Variants in LAMA2 observed in about 807,000 individuals in gnomAD.
The protein encoded by LAMA2 is laminin subunit alpha-2.
LAMA2 carries 269 observed loss-of-function variants against 364.8 expected under a neutral mutation model. The observed-to-expected ratio is 0.74, with a 90% CI of 0.67 to 0.82. The LOEUF (loss-of-function observed/expected upper bound fraction) is 0.82. LAMA2 is among the 40% of genes least tolerant of loss of function. LAMA2 has a pLI of 0.00. For missense variants in LAMA2, 3,807 were observed against 3,873.2 expected, an observed-to-expected ratio of 0.98 and a Z score of 0.45; for synonymous variants, 1,379 against 1,370.6, an observed-to-expected ratio of 1.01 and a Z score of -0.14.
Position 128,953,902 on chromosome 6 carries a change from A to T in LAMA2, c.112+70545A>T, listed in dbSNP as rs151012876. Among the ~76,000 whole-genome samples the T allele has an allele frequency of 3.8e-3, 584 of 152,260 alleles. 3 individuals carry two copies. The highest frequency in any genetic ancestry group is 0.014 in the African/African-American group (562 of 41,560). On this transcript the variant is annotated intron_variant, in intron 1 of 64. Coordinates refer to ENST00000421865, the MANE Select transcript of LAMA2 (RefSeq NM_000426.4). Reference sequence around the variant, plus strand: ...AAAGTACATTTGCATTATTTTATGTATACTTTACTGATAGAGTCCTTTAAA... The same window carrying T: ...AAAGTACATTTGCATTATTTTATGTTTACTTTACTGATAGAGTCCTTTAAA...
chr6:128,922,940 T>C (rs532879789), intron 1 of LAMA2, among the ~76,000 whole-genome samples: 1,679 of 151,986 alleles, frequency 0.011, 28 homozygotes, highest in African/African-American at 0.039. Flanking sequence ...TAGCCAGTTT[T>C]CCCAGCACCA....
intron 10 of LAMA2, among the ~76,000 whole-genome samples, chr6:129,184,654 C>T (rs547523481): frequency 8.9e-4 from 135 of 151,896 alleles, no homozygotes; most frequent in Non-Finnish European, 1.7e-3. Context: ...AATGATTGTT[C>T]GCCCCTGATC....
At chr6:129,220,314 C>T (rs1050840744) in intron 12 of LAMA2, among the ~76,000 whole-genome samples, 4 of 152,222 alleles carry the variant, frequency 2.6e-5, no homozygotes, top group Admixed American at 6.5e-5. Context: ...CAAAAAAACA[C>T]TAGTGCTTAC....
chr6:129,328,319 T>G lies in LAMA2; in HGVS notation c.4218T>G (p.Gly1406=). The change falls in exon 29 of 65, where the codon GGT becomes GGG. Residue 1406 remains glycine (G), a synonymous_variant. Coordinates refer to ENST00000421865, the MANE Select transcript of LAMA2 (RefSeq NM_000426.4). ...PGFYRLRSQP[G]GRTPGPTLGT... ...TTTATCGACTGCGTTCTCAACCAGG[T>G]GGCCGCACCCCTGGACCAACCCTGG... 2 of 1,614,198 alleles carry G rather than the reference T, an allele frequency of 1.2e-6. No individual in the cohort carries two copies. The highest frequency in any genetic ancestry group is 1.7e-6 in the Non-Finnish European group (2 of 1,180,030).
At chr6:129,059,491 C>T (rs2114794825) in intron 2 of LAMA2, among the ~76,000 whole-genome samples, 1 of 152,240 alleles carries the variant, frequency 6.6e-6, no homozygotes, top group Middle Eastern at 3.4e-3. Context: ...CACTTAATTT[C>T]TGTAGTTACC....
At chr6:129,038,155 G>T (rs4285345) in intron 1 of LAMA2, among the ~76,000 whole-genome samples, 144,909 of 152,306 alleles carry the variant, frequency 0.95, 69,020 homozygotes, top group East Asian at 0.97. Flanking sequence ...GAAGTGACAC[G>T]GTGTTCACTT....
chr6:129,217,738 A>C (rs1158744361), intron 12 of LAMA2, among the ~76,000 whole-genome samples: 5 of 152,188 alleles, frequency 3.3e-5, no homozygotes, highest in African/African-American at 4.8e-5. Flanking sequence ...AAATGAAAAA[A>C]ATTAAACAAA....
intron 40 of LAMA2, among the ~76,000 whole-genome samples, chr6:129,425,854 T>G (rs2114737442): frequency 6.6e-6 from 1 of 152,228 alleles, no homozygotes; most frequent in African/African-American, 2.4e-5. Flanking sequence ...CCTTATTTTC[T>G]TATGCTCAGC....
rs577173433 is a variant in LAMA2 at position 129,209,499 on chromosome 6, T to C, written c.1782+16646T>C. On this transcript the variant is annotated intron_variant, in intron 12 of 64. Coordinates refer to ENST00000421865, the MANE Select transcript of LAMA2 (RefSeq NM_000426.4). ...TGCAGGGAATGAAACTCGTGACAGC[T>C]TGATCCCATAAAACTCAGCAAGGAT... Among the ~76,000 whole-genome samples, 5 of 152,320 alleles carry C rather than the reference T, an allele frequency of 3.3e-5. No homozygotes were observed. In the South Asian group the frequency reaches 1.0e-3, roughly 32 times the overall value.
At chr6:128,929,495 A>T in intron 1 of LAMA2, 3 of 846,062 alleles carry the variant, frequency 3.5e-6, no homozygotes, top group South Asian at 1.3e-5. Flanking sequence ...TCTTTATGGT[A>T]TGCCGACCAG....
At chr6:129,329,908 G>A (rs1475136929) in intron 29 of LAMA2, among the ~76,000 whole-genome samples, 1 of 152,088 alleles carries the variant, frequency 6.6e-6, no homozygotes, top group African/African-American at 2.4e-5. Flanking sequence ...CTCATTCCTG[G>A]TATTACTGTA....
At chr6:129,040,331 A>T (rs1429173607) in intron 1 of LAMA2, among the ~76,000 whole-genome samples, 1 of 152,156 alleles carries the variant, frequency 6.6e-6, no homozygotes, top group African/African-American at 2.4e-5. Context: ...TTTTGAAAAG[A>T]AGTTATTGGG....
chr6:129,508,158 T>C (rs1357553107), intron 62 of LAMA2, among the ~76,000 whole-genome samples: 1 of 152,232 alleles, frequency 6.6e-6, no homozygotes, highest in East Asian at 1.9e-4. Context: ...TGGTTTTATA[T>C]CACTGGTCAT....
chr6:129,238,511 A>G (rs1338913053), intron 12 of LAMA2, among the ~76,000 whole-genome samples: 1 of 152,058 alleles, frequency 6.6e-6, no homozygotes, highest in Non-Finnish European at 1.5e-5. Flanking sequence ...ATTCTTAAAC[A>G]TATACTTTTG....
chr6:129,516,505 A>G lies in LAMA2; in HGVS notation c.*158A>G, dbSNP rs1787096168. On this transcript the variant is annotated 3_prime_UTR_variant, in exon 65 of 65. Transcript: ENST00000421865. ...GGTGCTAATTCAGACTCCAGACTGA[A>G]TTTTAATTCAAGTTCTTTCTCAAGT... is the stretch of plus-strand genomic sequence containing the variant. 5 of 703,714 alleles carry G rather than the reference A, an allele frequency of 7.1e-6. No individual in the cohort carries two copies. In the East Asian group the frequency reaches 1.1e-4, roughly 15 times the overall value. 43.6% of individuals were successfully genotyped at this position (703,714 alleles called of 1,614,324 possible). A position where few individuals can be genotyped will look rare whatever the true frequency, so the allele number is the denominator to read the frequency against.
At chr6:129,444,458 A>C (rs1782268474) in intron 44 of LAMA2, among the ~76,000 whole-genome samples, 2 of 152,208 alleles carry the variant, frequency 1.3e-5, no homozygotes, top group Admixed American at 1.3e-4. Flanking sequence ...TGTTTATGCT[A>C]TCTGTATGAT....
chr6:128,986,444 A>G (rs1217097690), intron 1 of LAMA2, among the ~76,000 whole-genome samples: 1 of 152,168 alleles, frequency 6.6e-6, no homozygotes, highest in East Asian at 1.9e-4. Context: ...ATATATTTCA[A>G]ATAGAGAAAA....
chr6:128,911,402 A>C (rs1485875110), intron 1 of LAMA2, among the ~76,000 whole-genome samples: 1 of 152,122 alleles, frequency 6.6e-6, no homozygotes, highest in East Asian at 1.9e-4. Context: ...CAGATTTTCC[A>C]GGTGCCGCCC....
intron 30 of LAMA2, 33 bp downstream of exon 30, chr6:129,342,500 T>A: frequency 6.2e-7 from 1 of 1,607,288 alleles, no homozygotes; most frequent in Non-Finnish European, 8.5e-7. Context: ...TATTTCCCAA[T>A]CAGAAACGCC....
Sources: gnomAD v4.1 joint callset for allele counts (sites outside exome capture counted in the v4.1 genomes callset) on GRCh38, gnomAD v4.1.1 for gene constraint, MANE v1.5 for transcripts, NCBI Gene and HGNC (gene_info 2026-07-23, HGNC 2026-07-21) for gene names.